Variants in TEX26 observed in about 807,000 individuals in gnomAD.
TEX26 encodes the protein testis-expressed protein 26.
Under a neutral mutation model 35.3 loss-of-function variants are expected in TEX26, and 34 were observed. That is an observed-to-expected ratio of 0.96 (90% CI 0.73 to 1.28). The LOEUF (loss-of-function observed/expected upper bound fraction) is 1.28. TEX26 is among the 50% of genes most tolerant of loss of function. TEX26 has a pLI of 0.00. For missense variants in TEX26, 371 were observed against 330.1 expected (o/e 1.12, Z -0.96); for synonymous variants, 136 against 111.8 (o/e 1.22, Z -1.36).
At chr13:30,960,318 C>G (rs1194308426) in intron 4 of TEX26, among the ~76,000 whole-genome samples, 10 of 152,316 alleles carry the variant, frequency 6.6e-5, no homozygotes, top group African/African-American at 1.9e-4. Context: ...TCTTGGCTCA[C>G]TGCAGCCTCT....
intron 4 of TEX26, among the ~76,000 whole-genome samples, chr13:30,960,401 T>A (rs768920464): frequency 1.3e-4 from 20 of 152,144 alleles, no homozygotes; most frequent in Middle Eastern, 3.4e-3. Context: ...CACCACCACG[T>A]CCGGCTAATT....
chr13:30,965,765 G>A (rs1954505009), intron 4 of TEX26, among the ~76,000 whole-genome samples: 1 of 151,986 alleles, frequency 6.6e-6, no homozygotes, highest in South Asian at 2.1e-4. Flanking sequence ...ATGATATACA[G>A]CACCCCATCT....
At chr13:30,950,645 G>T (rs1269236045) in intron 2 of TEX26, among the ~76,000 whole-genome samples, 1 of 152,174 alleles carries the variant, frequency 6.6e-6, no homozygotes, top group African/African-American at 2.4e-5. Flanking sequence ...TCTCAGCCAT[G>T]CTCTATGACT....
intron 2 of TEX26, among the ~76,000 whole-genome samples, chr13:30,952,000 GATT>G (rs1953941754): frequency 1.6e-5 from 1 of 62,194 alleles, no homozygotes; most frequent in African/African-American, 7.0e-5. Context: ...ATTATTCTGG[GATT>G]TTTTTTTTTT....
intron 4 of TEX26, 86 bp downstream of exon 4, chr13:30,957,115 C>A: frequency 2.2e-6 from 3 of 1,368,238 alleles, no homozygotes; most frequent in Non-Finnish European, 3.0e-6. Context: ...GTGTTCTTCT[C>A]CTTCAAGGAA....
rs778384025 is a variant in TEX26 at position 30,939,765 on chromosome 13, C to A, written c.133C>A (p.Pro45Thr). 1.7e-5 allele frequency: 28 copies of A among 1,613,628 alleles called. No individual in the cohort carries two copies. Among genetic ancestry groups the A allele is most frequent in the Non-Finnish European group, 2.0e-5 (24 of 1,179,722 alleles). The change falls in exon 2 of 7, where the codon CCT becomes ACT. Residue 45 changes from proline to threonine, a missense_variant. By Grantham distance (38) the Pro-to-Thr change is conservative. Transcript: ENST00000380473. ...TAFTPKTGAV[P>T]ALIRQNGIRR... ...ATTCACGCCTAAAACAGGAGCAGTGCCTGCCTTAATTCGGTAGATCATTAT... is the reference window on the plus strand; with the variant it reads ...ATTCACGCCTAAAACAGGAGCAGTGACTGCCTTAATTCGGTAGATCATTAT...
At chr13:30,949,543 A>T (rs922569527) in intron 2 of TEX26, among the ~76,000 whole-genome samples, 2 of 152,120 alleles carry the variant, frequency 1.3e-5, no homozygotes, top group Non-Finnish European at 2.9e-5. Context: ...AATGCATATT[A>T]TAGAGAAGAC....
intron 3 of TEX26, among the ~76,000 whole-genome samples, chr13:30,953,980 G>A (rs191393813): frequency 4.7e-4 from 72 of 152,266 alleles, no homozygotes; most frequent in African/African-American, 1.6e-3. Flanking sequence ...TTCTGACTTG[G>A]ACAGCTGGTG....
At chr13:30,934,556 C>T (rs778923992) in intron 1 of TEX26, among the ~76,000 whole-genome samples, 20 of 152,222 alleles carry the variant, frequency 1.3e-4, no homozygotes, top group Non-Finnish European at 2.4e-4. Flanking sequence ...TCTGCACTCC[C>T]TCTACAGGCC....
At position 30,971,441 on chromosome 13, in the gene TEX26, C is replaced by CAG. The variant is rs1200598496; in HGVS notation, c.808+2405_808+2406dup. Reference sequence around the variant, plus strand: ...TTTAAAAGAGAGAGAGAAAGAGATACAGAGAGAGAGAAAGGGAAAAGGCCA... The same window carrying CAG: ...TTTAAAAGAGAGAGAGAAAGAGATACAGAGAGAGAGAGAAAGGGAAAAGGCCA... On this transcript the variant is annotated intron_variant, in intron 6 of 6. Transcript: ENST00000380473. Among the ~76,000 whole-genome samples the CAG allele has an allele frequency of 3.3e-5, 5 of 152,062 alleles. No individual in the cohort carries two copies. In the East Asian group the frequency reaches 7.7e-4, roughly 24 times the overall value.
At chr13:30,945,987 T>G (rs1953693631) in intron 2 of TEX26, among the ~76,000 whole-genome samples, 1 of 152,102 alleles carries the variant, frequency 6.6e-6, no homozygotes, top group East Asian at 1.9e-4. Flanking sequence ...TTCTTGTATT[T>G]GGATATCTAA....
chr13:30,940,575 C>G (rs368796914), intron 2 of TEX26, among the ~76,000 whole-genome samples: 1 of 152,032 alleles, frequency 6.6e-6, no homozygotes, highest in Admixed American at 6.5e-5. Context: ...CCTTGTGATC[C>G]GCCCGCCTCG....
intron 2 of TEX26, among the ~76,000 whole-genome samples, chr13:30,947,614 T>C (rs558868556): frequency 6.6e-6 from 1 of 152,280 alleles, no homozygotes; most frequent in Admixed American, 6.6e-5. Context: ...AAAAGGCATG[T>C]CTTAACAAAT....
At position 30,936,709 on chromosome 13, in the gene TEX26, C is replaced by T. The variant is rs1165095946; in HGVS notation, c.62-2985C>T. 9 of 985,154 alleles carry T rather than the reference C, an allele frequency of 9.1e-6. No homozygotes were observed. The African/African-American group carries it at 1.6e-4, about 17-fold the overall frequency. 61.0% of individuals were successfully genotyped at this position (985,154 alleles called of 1,614,324 possible). A position where few individuals can be genotyped will look rare whatever the true frequency, so the allele number is the denominator to read the frequency against. On this transcript the variant is annotated intron_variant, in intron 1 of 6. Coordinates refer to ENST00000380473, the MANE Select transcript of TEX26 (RefSeq NM_152325.3). The stretch of plus-strand genomic sequence containing the variant: ...GTCCCAGTGCTCCACAGGGCTGGGT[C>T]CACGGGAGGGCTTGGGGACTTCTTT...
intron 4 of TEX26, among the ~76,000 whole-genome samples, chr13:30,963,442 C>G (rs1954423018): frequency 6.6e-6 from 1 of 152,166 alleles, no homozygotes; most frequent in African/African-American, 2.4e-5. Context: ...ACGCATGAAG[C>G]TCATTAACAC....
intron 6 of TEX26, among the ~76,000 whole-genome samples, chr13:30,973,756 C>T (rs1022279321): frequency 6.6e-6 from 1 of 152,118 alleles, no homozygotes; most frequent in African/African-American, 2.4e-5. Flanking sequence ...ATGAGCATGA[C>T]ATCACTTGCA....
At chr13:30,944,693 T>C (rs1953638507) in intron 2 of TEX26, among the ~76,000 whole-genome samples, 1 of 152,038 alleles carries the variant, frequency 6.6e-6, no homozygotes, top group Non-Finnish European at 1.5e-5. Flanking sequence ...TTGATTTCAC[T>C]GTTAACCCAA....
At chr13:30,936,689 A>T in intron 1 of TEX26, 1 of 985,420 alleles carries the variant, frequency 1.0e-6, no homozygotes, top group Non-Finnish European at 1.2e-6. Flanking sequence ...TCTGTGTCCC[A>T]GTGCTCCACA....
intron 4 of TEX26, among the ~76,000 whole-genome samples, chr13:30,957,811 G>A (rs538995904): frequency 3.9e-5 from 6 of 152,328 alleles, no homozygotes; most frequent in African/African-American, 1.4e-4. Flanking sequence ...CTTATCACAG[G>A]TGATGAAAAT....
Sources: gnomAD v4.1 joint callset for allele counts (sites outside exome capture counted in the v4.1 genomes callset) on GRCh38, gnomAD v4.1.1 for gene constraint, MANE v1.5 for transcripts, NCBI Gene and HGNC (gene_info 2026-07-23, HGNC 2026-07-21) for gene names.